SSBP3: variants seen among roughly 807,000 people sequenced by gnomAD.
The protein encoded by SSBP3 is single stranded DNA binding protein 3.
In SSBP3, 5 loss-of-function variants were observed where a neutral mutation model predicts 69.6. That is an observed-to-expected ratio of 0.07 (90% CI 0.04 to 0.15). SSBP3 has a LOEUF of 0.15. Among genes scored for constraint, SSBP3 ranks in the 10% least tolerant of loss-of-function variants. The pLI, the probability that SSBP3 is intolerant of heterozygous loss-of-function variation, is 1.00. For synonymous variants in SSBP3, 196 were observed against 193.4 expected (o/e 1.01, Z -0.11); for missense variants, 312 against 534.0 (o/e 0.58, Z 4.10).
At chr1:54,306,110 T>C (rs2100227239) in intron 4 of SSBP3, among the ~76,000 whole-genome samples, 1 of 152,092 alleles carries the variant, frequency 6.6e-6, no homozygotes, top group South Asian at 2.1e-4. Context: ...TGGCAGCTCC[T>C]GGGTTCATTT....
chr1:54,360,431 A>G (rs1646932415), intron 4 of SSBP3, among the ~76,000 whole-genome samples: 1 of 152,218 alleles, frequency 6.6e-6, no homozygotes, highest in African/African-American at 2.4e-5. Context: ...AATCTTGGCA[A>G]TCACTTCACT....
intron 4 of SSBP3, among the ~76,000 whole-genome samples, chr1:54,316,025 T>C (rs1364734382): frequency 1.3e-5 from 2 of 152,182 alleles, no homozygotes; most frequent in Non-Finnish European, 2.9e-5. Context: ...GGGTCCTTAT[T>C]TTCTGACCCA....
intron 4 of SSBP3, among the ~76,000 whole-genome samples, chr1:54,319,789 AGCT>A (rs1646180125): frequency 6.6e-6 from 1 of 152,198 alleles, no homozygotes; most frequent in African/African-American, 2.4e-5. Flanking sequence ...AAAAAGCAGC[AGCT>A]AAGACATGGT....
chr1:54,344,607 G>C (rs1023031821), intron 4 of SSBP3, among the ~76,000 whole-genome samples: 1 of 152,246 alleles, frequency 6.6e-6, no homozygotes, highest in Non-Finnish European at 1.5e-5. Flanking sequence ...GGTGTCGTCA[G>C]TACAGGCAAG....
intron 7 of SSBP3, among the ~76,000 whole-genome samples, chr1:54,253,161 G>A (rs113523410): frequency 1.2e-3 from 178 of 149,052 alleles, no homozygotes; most frequent in African/African-American, 4.3e-3. Flanking sequence ...AAGTAGAATT[G>A]GTATTTGTTT....
chr1:54,290,822 A>C (rs1280299796), intron 4 of SSBP3, among the ~76,000 whole-genome samples: 1 of 152,262 alleles, frequency 6.6e-6, no homozygotes, highest in East Asian at 1.9e-4. Flanking sequence ...GATCCCCCCT[A>C]GATGAACACT....
At chr1:54,277,874 T>C (rs1216550082) in intron 5 of SSBP3, among the ~76,000 whole-genome samples, 2 of 152,014 alleles carry the variant, frequency 1.3e-5, no homozygotes, top group Non-Finnish European at 2.9e-5. Flanking sequence ...TCAGTGAGGC[T>C]GGCCAAAGCC....
At chr1:54,381,382 CAAAAAAAAAAAAA>C (rs59809996) in intron 4 of SSBP3, among the ~76,000 whole-genome samples, 11,573 of 70,118 alleles carry the variant, frequency 0.17, 991 homozygotes, top group African/African-American at 0.3. Flanking sequence ...TACACCATCT[CAAAAAAAAAAAAA>C]AAAAAAAAAA....
chr1:54,393,168 G>C (rs1196632881), intron 4 of SSBP3, among the ~76,000 whole-genome samples: 1 of 152,218 alleles, frequency 6.6e-6, no homozygotes, highest in Non-Finnish European at 1.5e-5. Context: ...CTTCAGGCCA[G>C]GCACAGGCCA....
intron 4 of SSBP3, among the ~76,000 whole-genome samples, chr1:54,391,204 C>T (rs892279795): frequency 3.5e-4 from 54 of 152,154 alleles, no homozygotes; most frequent in African/African-American, 1.2e-3. Context: ...CAAAGGGGAC[C>T]ACAACTCACA....
intron 5 of SSBP3, among the ~76,000 whole-genome samples, chr1:54,261,475 C>T (rs1224266510): frequency 2.0e-5 from 3 of 152,130 alleles, no homozygotes; most frequent in Non-Finnish European, 2.9e-5. Context: ...TTTGGTGGGA[C>T]GGGGGCCGCT....
intron 4 of SSBP3, among the ~76,000 whole-genome samples, chr1:54,302,446 G>C (rs1645819944): frequency 6.6e-6 from 1 of 151,862 alleles, no homozygotes; most frequent in Non-Finnish European, 1.5e-5. Flanking sequence ...CAAGTAGCTA[G>C]GATTACAGGC....
intron 4 of SSBP3, among the ~76,000 whole-genome samples, chr1:54,289,037 C>CAAA (rs994712448): frequency 1.1e-4 from 7 of 62,086 alleles, no homozygotes; most frequent in South Asian, 4.4e-4. Context: ...AAAAAAAAAA[C>CAAA]AAAAAAACAA....
chr1:54,411,388 G>A (rs1649985002), upstream of SSBP3, among the ~76,000 whole-genome samples: 1 of 151,650 alleles, frequency 6.6e-6, no homozygotes, highest in Non-Finnish European at 1.5e-5. Flanking sequence ...TGGGGCAGGA[G>A]AATCGCTTGA....
chr1:54,404,822 G>GT, intron 2 of SSBP3, 36 bp downstream of exon 2: 1 of 1,145,820 alleles, frequency 8.7e-7, no homozygotes, highest in Non-Finnish European at 1.3e-6. Flanking sequence ...GGGGGGGGGT[G>GT]TCAAGAAATT....
intron 4 of SSBP3, among the ~76,000 whole-genome samples, chr1:54,368,288 CAAAA>C (rs57721486): frequency 2.3e-4 from 16 of 69,046 alleles, no homozygotes; most frequent in Non-Finnish European, 4.5e-4. Context: ...GACTCCATCT[CAAAA>C]AAAAAAAAAA....
chr1:54,329,912 G>A (rs1646377957), intron 4 of SSBP3, among the ~76,000 whole-genome samples: 1 of 152,198 alleles, frequency 6.6e-6, no homozygotes, highest in Non-Finnish European at 1.5e-5. Flanking sequence ...CTTTTGGGTA[G>A]ATTTTGGTCA....
intron 4 of SSBP3, among the ~76,000 whole-genome samples, chr1:54,337,458 GAAC>G (rs1646527979): frequency 7.7e-6 from 1 of 130,054 alleles, no homozygotes; most frequent in African/African-American, 3.0e-5. Flanking sequence ...AAGGTTGGCT[GAAC>G]CAAAGCATTT....
intron 4 of SSBP3, among the ~76,000 whole-genome samples, chr1:54,394,141 C>T (rs1023944467): frequency 1.3e-5 from 2 of 152,162 alleles, no homozygotes; most frequent in African/African-American, 4.8e-5. Context: ...TTGCACAGCT[C>T]GTAACTGCAA....
Sources: allele counts gnomAD v4.1 joint callset (sites outside exome capture counted in the v4.1 genomes callset), GRCh38; gene constraint gnomAD v4.1.1; transcripts MANE v1.5; gene names NCBI Gene and HGNC (gene_info 2026-07-23, HGNC 2026-07-21).